Variants in INCENP observed in about 807,000 individuals in gnomAD.
INCENP encodes binds and activates aurora-B and -C in vivo and in vitro.
INCENP carries 43 observed loss-of-function variants against 107.3 expected under a neutral mutation model. That is an observed-to-expected ratio of 0.40 (90% confidence interval 0.31 to 0.52). The LOEUF is 0.52. Among genes scored for constraint, INCENP ranks in the 20% least tolerant of loss-of-function variants. INCENP has a pLI of 0.53. For synonymous variants in INCENP, 488 were observed against 494.4 expected (o/e 0.99, Z 0.17); for missense variants, 1,089 against 1,250.9 (o/e 0.87, Z 1.95).
Position 62,138,988 on chromosome 11 carries a change from C to G in INCENP, c.1274C>G (p.Pro425Arg). The change falls in exon 7 of 19, where the codon CCC becomes CGC. Residue 425 changes from proline to arginine, a missense_variant. Physicochemically the swap from Pro to Arg is moderately radical, Grantham distance 103. Coordinates refer to ENST00000394818, the MANE Select transcript of INCENP (RefSeq NM_001040694.2). ...PKPAASSPET[P>R]SAGQQEAKTD... ...CCTGCAGCCAGCAGCCCGGAAACAC[C>G]CTCTGCAGGGCAGCAAGGTGAGGCT... The G allele has an allele frequency of 6.2e-7, 1 of 1,613,506 alleles. No individual in the cohort carries two copies.
intron 14 of INCENP, among the ~76,000 whole-genome samples, chr11:62,146,190 C>T (rs1944239283): frequency 6.6e-6 from 1 of 152,152 alleles, no homozygotes; most frequent in Admixed American, 6.5e-5. Context: ...TAAGGGCCCA[C>T]CTCTTCCCAG....
chr11:62,152,124 G>A lies in INCENP; in HGVS notation c.*148G>A, dbSNP rs1392618435. 6.0e-6 allele frequency: 2 copies of A among 334,126 alleles called. No individual in the cohort carries two copies. Among genetic ancestry groups the A allele is most frequent in the Non-Finnish European group, 1.0e-5 (2 of 194,502 alleles). 20.7% of individuals were successfully genotyped at this position (334,126 alleles called of 1,614,324 possible). A position where few individuals can be genotyped will look rare whatever the true frequency, so the allele number is the denominator to read the frequency against. On this transcript the variant is annotated 3_prime_UTR_variant, in exon 19 of 19. Coordinates refer to ENST00000394818, the MANE Select transcript of INCENP (RefSeq NM_001040694.2). ...TGTATATAAACGTCCTCTGTGCTGG[G>A]TGTTTCTGCTGCAGGTGGCAGGTGG...
Position 62,153,049 on chromosome 11 carries a change from A to T in INCENP, c.*1073A>T, listed in dbSNP as rs1023455450. On this transcript the variant is annotated 3_prime_UTR_variant, in exon 19 of 19. Coordinates refer to ENST00000394818, the MANE Select transcript of INCENP (RefSeq NM_001040694.2). Reference sequence around the variant, plus strand: ...TCTCCAGTTGCTCTGCTCCGAGGGCAGTGTTAAGTTGTGCAGCAGAGGCCC... The same window carrying T: ...TCTCCAGTTGCTCTGCTCCGAGGGCTGTGTTAAGTTGTGCAGCAGAGGCCC... The T allele has an allele frequency of 6.6e-6, 1 of 152,222 alleles. No homozygotes were observed. 9.4% of individuals were successfully genotyped at this position (152,222 alleles called of 1,614,324 possible).
Position 62,151,934 on chromosome 11 carries a change from C to T in INCENP, c.2715C>T (p.Ala905=), listed in dbSNP as rs770525745. ...AVWNSPPLQG[A]RVPSSLAYSL... is the part of the protein sequence containing the mutation. ...GGAACTCACCGCCCCTGCAGGGCGC[C>T]AGGGTCCCCAGCAGCCTGGCCTACA... The change falls in exon 19 of 19, where the codon GCC becomes GCT. Residue 905 remains alanine (A), a synonymous_variant. Transcript: ENST00000394818. 6 of 1,612,780 alleles carry T rather than the reference C, an allele frequency of 3.7e-6. No individual in the cohort carries two copies. The highest frequency in any genetic ancestry group is 4.2e-6 in the Non-Finnish European group (5 of 1,180,030).
In INCENP at chr11:62,130,543, TTGCCAAGAAGACTGCCGAAGAGCCAGCTG is replaced by T; in HGVS notation, c.1017_1045del (p.Ala340LeufsTer17). ...GTTGTCCGCAGGGCGAGCAGAAGGC[TTGCCAAGAAGACTGCCGAAGAGCCAGCTG>T]CCTCTGGCCGCATCATCTGTGAGTC... On this transcript the variant is annotated frameshift_variant, in exon 4 of 19. Coordinates refer to ENST00000394818, the MANE Select transcript of INCENP (RefSeq NM_001040694.2). The T allele has an allele frequency of 6.2e-7, 1 of 1,613,904 alleles. No homozygotes were observed. Among genetic ancestry groups the T allele is most frequent in the Non-Finnish European group, 8.5e-7 (1 of 1,180,008 alleles).
rs775669598 is a variant in INCENP, at chr11:62,145,188, C to T, written c.1735C>T (p.Arg579Cys). The T allele has an allele frequency of 3.4e-5, 55 of 1,614,014 alleles. No homozygotes were observed. Among genetic ancestry groups the T allele is most frequent in the Admixed American group, 6.7e-5 (4 of 60,002 alleles). ...CCGCAGGAAGCGTGAGGAACGCCTC[C>T]GCAAGGTGCTGCAGGCCCGCGAGCG... ...EVKLKREERLRKVLQARERVE... is the reference protein window; with the variant it reads ...EVKLKREERLCKVLQARERVE... Residue 579 changes from arginine (R) to cysteine (C), a missense_variant, in exon 13 of 19, where the codon CGC becomes TGC. Arg to Cys is a radical substitution (Grantham distance 180). Coordinates refer to ENST00000394818, the MANE Select transcript of INCENP (RefSeq NM_001040694.2).
intron 1 of INCENP, among the ~76,000 whole-genome samples, chr11:62,127,092 A>G (rs542002004): frequency 5.4e-5 from 8 of 149,374 alleles, no homozygotes; most frequent in African/African-American, 2.0e-4. Flanking sequence ...GCTGGGGTGC[A>G]ATGGTGTGAT....
At chr11:62,139,079 C>T (rs1233561342) in intron 7 of INCENP, 74 bp downstream of exon 7, 1 of 1,031,760 alleles carries the variant, frequency 9.7e-7, no homozygotes, top group Admixed American at 1.7e-5. Flanking sequence ...CTGACCTTCT[C>T]TCTGGGGATA....
At position 62,138,926 on chromosome 11, in the gene INCENP, T is replaced by C. The variant is rs1944051008; in HGVS notation, c.1212T>C (p.Asn404=). 6.2e-7 allele frequency: 1 copy of C among 1,614,028 alleles called. No homozygotes were observed. The highest frequency in any genetic ancestry group is 1.3e-5 in the African/African-American group (1 of 75,030). The change falls in exon 7 of 19, where the codon AAT becomes AAC. Residue 404 remains asparagine (N), a synonymous_variant. Coordinates refer to ENST00000394818, the MANE Select transcript of INCENP (RefSeq NM_001040694.2). Reference sequence around the variant, plus strand: ...ATGGAAATAACTCGTGGCCCCACAATGACACGGAGATTGCCAACAGCACAC... The same window carrying C: ...ATGGAAATAACTCGTGGCCCCACAACGACACGGAGATTGCCAACAGCACAC... ...ENNGNNSWPH[N]DTEIANSTPN...
chr11:62,145,804 C>G, intron 14 of INCENP, 53 bp downstream of exon 14: 1 of 1,528,336 alleles, frequency 6.5e-7, no homozygotes, highest in Non-Finnish European at 8.8e-7. Flanking sequence ...GGCGCTGTCT[C>G]AGCACCATGG....
Position 62,140,349 on chromosome 11 carries a change from C to A in INCENP, c.1343+64C>A, listed in dbSNP as rs61893679. 0.043 allele frequency: 59,514 copies of A among 1,394,212 alleles called. 1,409 individuals are homozygous for A. The highest frequency in any genetic ancestry group is 0.048 in the Non-Finnish European group (46,876 of 980,352). The allele number at this position is 1,394,212 out of a possible 1,614,324, so 86.4% of individuals were successfully genotyped here. On this transcript the variant is annotated intron_variant, in intron 8 of 18. Coordinates refer to ENST00000394818, the MANE Select transcript of INCENP (RefSeq NM_001040694.2). The stretch of plus-strand genomic sequence containing the variant: ...GCCCTGGAGGATGTGGCCTTGTGTC[C>A]TTGCTCAGGGAAGGTGGATGTGTGC...
chr11:62,130,729 G>A (rs867330321), intron 4 of INCENP, 139 bp downstream of exon 4: 3 of 726,862 alleles, frequency 4.1e-6, no homozygotes, highest in Non-Finnish European at 6.8e-6. Context: ...TGCTGTCCTG[G>A]GATGGTGGCC....
chr11:62,138,661 G>A (rs981353650), intron 5 of INCENP, 52 bp from the exon 6 acceptor site: 1 of 1,565,800 alleles, frequency 6.4e-7, no homozygotes, highest in Non-Finnish European at 8.8e-7. Context: ...TCCCTAGGGG[G>A]AGGGCTTGGA....
chr11:62,137,133 C>T (rs1325773783), intron 4 of INCENP, among the ~76,000 whole-genome samples: 4 of 152,124 alleles, frequency 2.6e-5, no homozygotes, highest in African/African-American at 4.8e-5. Flanking sequence ...GCGGGTGGAT[C>T]ACTTGAGGTC....
chr11:62,124,689 G>A (rs1358567472), intron 1 of INCENP, among the ~76,000 whole-genome samples: 1 of 152,184 alleles, frequency 6.6e-6, no homozygotes, highest in Non-Finnish European at 1.5e-5. Flanking sequence ...AGCCAAGACT[G>A]GGCACCTGCC....
At position 62,134,679 on chromosome 11, in the gene INCENP, A is replaced by C. The variant is rs374237356; in HGVS notation, c.1064-3153A>C. On this transcript the variant is annotated intron_variant, in intron 4 of 18. Coordinates refer to ENST00000394818, the MANE Select transcript of INCENP (RefSeq NM_001040694.2). ...CACTGGCATTATTCTACATTTTGCA[A>C]ATCTCTTTATTGTATGACTTTAAAT... 2.3e-4 allele frequency among the ~76,000 whole-genome samples: 35 copies of C among 152,304 alleles called. No homozygotes were observed. The South Asian group carries it at 5.8e-3, about 25-fold the overall frequency.
chr11:62,143,960 T>C (rs907970531), intron 11 of INCENP, among the ~76,000 whole-genome samples: 3 of 152,262 alleles, frequency 2.0e-5, no homozygotes, highest in Non-Finnish European at 2.9e-5. Flanking sequence ...CCTGGGACTT[T>C]CTGTGTCTGC....
At chr11:62,147,231 A>G (rs1370371310) in intron 15 of INCENP, among the ~76,000 whole-genome samples, 1 of 152,160 alleles carries the variant, frequency 6.6e-6, no homozygotes, top group Non-Finnish European at 1.5e-5. Flanking sequence ...TGGGCAGGAA[A>G]GATCTTTGTG....
chr11:62,150,119 C>G lies in INCENP; in HGVS notation c.2454C>G (p.Asn818Lys). ...PQGHRAPPKINPDNYGMDLNS... is the reference protein window; with the variant it reads ...PQGHRAPPKIKPDNYGMDLNS... ...GGCACAGGGCCCCTCCCAAGATCAA[C>G]CCAGATAACTACGGGATGGATCTGA... The change falls in exon 18 of 19, where the codon AAC becomes AAG. Residue 818 changes from asparagine (N) to lysine (K), a missense_variant. By Grantham distance (94) the Asn-to-Lys change is moderately conservative. Coordinates refer to ENST00000394818, the MANE Select transcript of INCENP (RefSeq NM_001040694.2). 2 of 1,614,060 alleles carry G rather than the reference C, an allele frequency of 1.2e-6. No homozygotes were observed. Among genetic ancestry groups the G allele is most frequent in the Non-Finnish European group, 1.7e-6 (2 of 1,179,978 alleles).
Sources: allele counts gnomAD v4.1 joint callset (sites outside exome capture counted in the v4.1 genomes callset), GRCh38; gene constraint gnomAD v4.1.1; transcripts MANE v1.5; gene names NCBI Gene and HGNC (gene_info 2026-07-23, HGNC 2026-07-21).